The following PCDHA1 variants were observed in gnomAD, a reference collection of about 807,000 sequenced individuals.
The protein encoded by PCDHA1 is protocadherin alpha 1.
In PCDHA1, 42 loss-of-function variants were observed where a neutral mutation model predicts 61.3. The observed-to-expected ratio is 0.69, with a 90% CI of 0.54 to 0.89. The LOEUF is 0.89. Ranked by LOEUF, PCDHA1 falls within the 40% of genes least tolerant of loss-of-function variation. The pLI is 0.00. For missense variants in PCDHA1, 1,256 were observed against 1,235.3 expected (o/e 1.02, Z -0.25); for synonymous variants, 610 against 553.8 (o/e 1.10, Z -1.43).
intron 1 of PCDHA1, among the ~76,000 whole-genome samples, chr5:140,793,735 A>G (rs1004047102): frequency 7.2e-5 from 11 of 152,244 alleles, no homozygotes; most frequent in African/African-American, 2.7e-4. Context: ...TCAGCTAAAA[A>G]TTAACAAAAG....
chr5:140,995,449 A>G (rs1279825778), intron 3 of PCDHA1, among the ~76,000 whole-genome samples: 18 of 152,120 alleles, frequency 1.2e-4, no homozygotes, highest in African/African-American at 3.9e-4. Flanking sequence ...AAACTTATGA[A>G]TTGTTTATTT....
chr5:140,973,782 C>T lies in PCDHA1; in HGVS notation c.2395-5167C>T, dbSNP rs533593200. ...CACAGCCTGGCATATTATAGGTTGCCTATTGGCATGCTGTCTACTTGACAG... is the reference window on the plus strand; with the variant it reads ...CACAGCCTGGCATATTATAGGTTGCTTATTGGCATGCTGTCTACTTGACAG... On this transcript the variant is annotated intron_variant, in intron 1 of 3. Transcript: ENST00000504120. 1.5e-3 allele frequency among the ~76,000 whole-genome samples: 225 copies of T among 152,326 alleles called. 1 individual carries two copies. Among genetic ancestry groups the T allele is most frequent in the African/African-American group, 5.2e-3 (216 of 41,582 alleles).
At chr5:140,882,172 T>C (rs1582596670) in intron 1 of PCDHA1, 2 of 1,514,998 alleles carry the variant, frequency 1.3e-6, no homozygotes, top group South Asian at 2.7e-5. Context: ...TGCGAATCCT[T>C]CCGCACTAGG....
intron 3 of PCDHA1, chr5:140,989,112 T>C (rs1312650713): frequency 1.3e-5 from 2 of 152,222 alleles, no homozygotes; most frequent in Non-Finnish European, 2.9e-5. Context: ...CTTTTGAATA[T>C]ATCTTAGAAA....
At chr5:140,795,519 T>A in intron 1 of PCDHA1, 2 of 1,614,144 alleles carry the variant, frequency 1.2e-6, no homozygotes, top group Non-Finnish European at 1.7e-6. Context: ...TACAGGCAAA[T>A]GATGAACTAA....
At chr5:140,842,280 T>C (rs1554138934) in intron 1 of PCDHA1, 10 of 1,610,840 alleles carry the variant, frequency 6.2e-6, no homozygotes, top group South Asian at 3.3e-5. Flanking sequence ...AAAATCCTCA[T>C]TGACGCCACG....
chr5:140,860,366 G>A (rs2046359217), intron 1 of PCDHA1: 1 of 152,102 alleles, frequency 6.6e-6, no homozygotes, highest in African/African-American at 2.4e-5. Flanking sequence ...GGATGACAAA[G>A]TGAGACCCTA....
chr5:140,844,559 T>A (rs2150371995), intron 1 of PCDHA1, among the ~76,000 whole-genome samples: 6 of 149,706 alleles, frequency 4.0e-5, no homozygotes, highest in African/African-American at 1.5e-4. Flanking sequence ...AGTTGGAATA[T>A]TTTCAATAAT....
At chr5:140,815,439 C>T (rs1765726626) in intron 1 of PCDHA1, 1 of 152,064 alleles carries the variant, frequency 6.6e-6, no homozygotes, top group Non-Finnish European at 1.5e-5. Context: ...AGCATCTTTA[C>T]TACAATCACA....
chr5:140,856,604 G>C lies in PCDHA1; in HGVS notation c.2394+67920G>C, dbSNP rs200468399. 1,451 of 1,597,840 alleles carry C rather than the reference G, an allele frequency of 9.1e-4. 118 individuals are homozygous for C. Among genetic ancestry groups the C allele is most frequent in the Non-Finnish European group, 8.3e-4 (967 of 1,167,426 alleles). ...TGTTCTTGATATTATAAACAAAAAA[G>C]ACAAAGACAAATTCCCAGTGCTTGT... On this transcript the variant is annotated intron_variant, in intron 1 of 3. Coordinates refer to ENST00000504120, the MANE Select transcript of PCDHA1 (RefSeq NM_018900.4).
At chr5:140,897,438 G>A (rs2066109195) in intron 1 of PCDHA1, among the ~76,000 whole-genome samples, 1 of 149,226 alleles carries the variant, frequency 6.7e-6, no homozygotes, top group African/African-American at 2.5e-5. Context: ...AACATGCAGT[G>A]TTTGGTTTTT....
chr5:140,874,567 G>A (rs2055003260), intron 1 of PCDHA1, among the ~76,000 whole-genome samples: 1 of 152,180 alleles, frequency 6.6e-6, no homozygotes, highest in African/African-American at 2.4e-5. Flanking sequence ...GCATTTTAGT[G>A]CTCCATTGTT....
intron 1 of PCDHA1, chr5:140,857,643 T>C (rs1406049950): frequency 4.4e-6 from 7 of 1,596,508 alleles, no homozygotes; most frequent in Non-Finnish European, 5.1e-6. Flanking sequence ...CTGCTACAGT[T>C]CCAGGTGAGC....
rs543675270 is a variant in PCDHA1 at position 140,877,484 on chromosome 5, A to G, written c.2394+88800A>G. 2.3e-5 allele frequency: 37 copies of G among 1,613,814 alleles called. No individual in the cohort carries two copies. The highest frequency in any genetic ancestry group is 3.1e-5 in the Non-Finnish European group (36 of 1,179,856). On this transcript the variant is annotated intron_variant, in intron 1 of 3. Transcript: ENST00000504120. ...GCCACGGTGCTGGTGTCGCTGGTGG[A>G]GAACGGCCAGGCCCCAAAGACGTCG...
intron 1 of PCDHA1, among the ~76,000 whole-genome samples, chr5:140,939,605 G>GAACAAGGA (rs1468383916): frequency 1.3e-5 from 2 of 152,082 alleles, no homozygotes; most frequent in African/African-American, 4.8e-5. Flanking sequence ...CTCAAAAACA[G>GAACAAGGA]AACAAGGAGA....
intron 1 of PCDHA1, among the ~76,000 whole-genome samples, chr5:140,800,063 T>C (rs549802801): frequency 1.3e-5 from 2 of 152,102 alleles, no homozygotes; most frequent in Non-Finnish European, 2.9e-5. Context: ...TAACAACTTT[T>C]AAAAAAACTG....
chr5:140,803,312 C>T (rs782276792), intron 1 of PCDHA1: 3 of 1,614,148 alleles, frequency 1.9e-6, no homozygotes, highest in Middle Eastern at 1.6e-4. Context: ...TCGCCATCTG[C>T]GCGGTGTCCA....
intron 1 of PCDHA1, chr5:140,841,300 T>C (rs1305687765): frequency 9.6e-6 from 15 of 1,568,478 alleles, no homozygotes; most frequent in African/African-American, 4.1e-5. Flanking sequence ...TAATATTTTC[T>C]GATAGGAAAC....
intron 1 of PCDHA1, among the ~76,000 whole-genome samples, chr5:140,912,895 A>G (rs781884731): frequency 4.6e-5 from 7 of 152,212 alleles, no homozygotes; most frequent in Non-Finnish European, 1.0e-4. Context: ...TGTTGATATG[A>G]TGTATCATAT....
Sources: allele counts gnomAD v4.1 joint callset (sites outside exome capture counted in the v4.1 genomes callset), GRCh38; gene constraint gnomAD v4.1.1; transcripts MANE v1.5; gene names NCBI Gene and HGNC (gene_info 2026-07-23, HGNC 2026-07-21).